The following OGA variants were observed in gnomAD, a reference collection of about 807,000 sequenced individuals.
The protein encoded by OGA is protein O-GlcNAcase.
In OGA, 21 loss-of-function variants were observed where a neutral mutation model predicts 102.0. The ratio of observed to expected loss-of-function variants is 0.21; its 90% confidence interval spans 0.15 to 0.30. The LOEUF (loss-of-function observed/expected upper bound fraction) is 0.30, where lower values mean the gene tolerates loss of function less well. OGA is among the 10% of genes least tolerant of loss of function. The probability of loss-of-function intolerance (pLI) is 1.00; values close to 1 mark genes in which losing one functional copy is unlikely to be tolerated. For missense variants in OGA, 765 were observed against 1,107.8 expected, an observed-to-expected ratio of 0.69 and a Z score of 4.39; for synonymous variants, 408 against 378.2, an observed-to-expected ratio of 1.08 and a Z score of -0.91.
chr10:101,803,475 A>C (rs2135065938), intron 7 of OGA, among the ~76,000 whole-genome samples: 1 of 151,870 alleles, frequency 6.6e-6, no homozygotes, highest in Non-Finnish European at 1.5e-5. Context: ...AAAAAAAAAA[A>C]ACTAAGGCAA....
chr10:101,807,942 T>A, intron 4 of OGA, 41 bp from the exon 5 acceptor site: 1 of 1,430,502 alleles, frequency 7.0e-7, no homozygotes. Context: ...GTAAAAAAAT[T>A]AAGAATTCCA....
intron 1 of OGA, among the ~76,000 whole-genome samples, chr10:101,815,282 CT>C (rs199871793): frequency 5.8e-4 from 85 of 147,358 alleles, no homozygotes; most frequent in Admixed American, 8.8e-4. Flanking sequence ...ACAAAATATT[CT>C]TTTTTTTTTT....
At chr10:101,787,761 T>G (rs146684144) in intron 14 of OGA, 181 of 200,812 alleles carry the variant, frequency 9.0e-4, no homozygotes, top group South Asian at 3.7e-3. Flanking sequence ...GTGCACGCGC[T>G]CTCTCTCTCT....
intron 6 of OGA, among the ~76,000 whole-genome samples, chr10:101,804,364 C>T (rs757628325): frequency 1.7e-4 from 26 of 149,430 alleles, no homozygotes; most frequent in Non-Finnish European, 2.8e-4. Context: ...GCTCCGCCTC[C>T]TGGATTCACA....
At chr10:101,811,319 G>A (rs1017339601) in intron 3 of OGA, among the ~76,000 whole-genome samples, 5 of 148,296 alleles carry the variant, frequency 3.4e-5, no homozygotes, top group African/African-American at 1.2e-4. Flanking sequence ...AACCCTGGAG[G>A]CAGAGGTTGC....
chr10:101,793,849 C>A, intron 11 of OGA, 64 bp downstream of exon 11: 1 of 1,231,564 alleles, frequency 8.1e-7, no homozygotes, highest in Non-Finnish European at 1.2e-6. Context: ...CCATCTGATG[C>A]GCAACATAAG....
chr10:101,800,600 C>T (rs557986391), intron 7 of OGA, among the ~76,000 whole-genome samples, 200 bp from the exon 8 acceptor site: 3 of 152,082 alleles, frequency 2.0e-5, no homozygotes, highest in South Asian at 4.2e-4. Flanking sequence ...GTAACCTAAA[C>T]GTAATGTTAA....
rs770894647 is a variant in OGA at position 101,808,925 on chromosome 10, G to A, written c.481-1024C>T. On this transcript the variant is annotated intron_variant, in intron 4 of 15. Coordinates refer to ENST00000361464, the MANE Select transcript of OGA (RefSeq NM_012215.5). The stretch of plus-strand genomic sequence containing the variant: ...GTAGAGGTTGCAATGAGCTGAGATC[G>A]CGCCACTGCACTCCAGCCTGGGCGA... Among the ~76,000 whole-genome samples the A allele has an allele frequency of 1.8e-4, 27 of 151,842 alleles. No individual in the cohort carries two copies. In the South Asian group the frequency reaches 1.9e-3, roughly 11 times the overall value.
In OGA at chr10:101,818,245, C is replaced by CT; in HGVS notation, c.-224dup. ...AGCCCTTTGTCAGCCGCAGCCTCGGCTTTAAGCTGGGGCGCCAGAAGCCTA... is the reference window on the plus strand; with the variant it reads ...AGCCCTTTGTCAGCCGCAGCCTCGGCTTTTAAGCTGGGGCGCCAGAAGCCTA... On this transcript the variant is annotated 5_prime_UTR_variant, in exon 1 of 16. Transcript: ENST00000361464. 1 of 1,327,866 alleles carries CT rather than the reference C, an allele frequency of 7.5e-7. No individual in the cohort carries two copies. The highest frequency in any genetic ancestry group is 9.6e-7 in the Non-Finnish European group (1 of 1,041,842). 82.3% of individuals were successfully genotyped at this position (1,327,866 alleles called of 1,614,324 possible).
At position 101,798,934 on chromosome 10, in the gene OGA, G is replaced by T; in HGVS notation, c.1717C>A (p.Pro573Thr). The T allele has an allele frequency of 6.2e-7, 1 of 1,614,056 alleles. No homozygotes were observed. Among genetic ancestry groups the T allele is most frequent in the Non-Finnish European group, 8.5e-7 (1 of 1,180,006 alleles). ...TCCCGTAACATCTGTGCTCCTTTGG[G>T]TCCATGCTCGTAAGGAAGGTAGAAT... ...DLFYLPYEHG[P>T]KGAQMLREFQ... The change falls in exon 9 of 16, where the codon CCC (proline) becomes ACC (threonine). Residue 573 changes from proline (P) to threonine (T), a missense_variant. Coordinates refer to ENST00000361464, the MANE Select transcript of OGA (RefSeq NM_012215.5).
intron 10 of OGA, among the ~76,000 whole-genome samples, chr10:101,795,370 C>G (rs1380413069): frequency 1.3e-5 from 2 of 152,248 alleles, no homozygotes; most frequent in Non-Finnish European, 2.9e-5. Flanking sequence ...TCTACCTGAG[C>G]TACCTCACAG....
chr10:101,799,011 A>C lies in OGA; in HGVS notation c.1640T>G (p.Leu547Trp). ...QFVPGPNEKP[L>W]YTAEPVTLED... Reference sequence around the variant, plus strand: ...CAGGGTCACTGGTTCCGCAGTGTACAAAGGCTTTTCATTTGGACCTGGCAC... The same window carrying C: ...CAGGGTCACTGGTTCCGCAGTGTACCAAGGCTTTTCATTTGGACCTGGCAC... Residue 547 changes from leucine (L) to tryptophan (W), a missense_variant, in exon 9 of 16, where the codon TTG (leucine) becomes TGG (tryptophan). Physicochemically the swap from Leu to Trp is moderately conservative, Grantham distance 61 (BLOSUM62 -2). Transcript: ENST00000361464. 6.2e-7 allele frequency: 1 copy of C among 1,614,202 alleles called. No homozygotes were observed. The highest frequency in any genetic ancestry group is 1.1e-5 in the South Asian group (1 of 91,086).
intron 1 of OGA, among the ~76,000 whole-genome samples, chr10:101,814,340 C>CA: frequency 6.9e-6 from 1 of 145,872 alleles, no homozygotes. Flanking sequence ...ACAACAACAA[C>CA]AAAAGGGTGA....
chr10:101,791,487 G>A (rs1270982519), intron 12 of OGA, 48 bp from the exon 13 acceptor site: 32 of 1,475,382 alleles, frequency 2.2e-5, no homozygotes, highest in Non-Finnish European at 2.9e-5. Context: ...AATGGCAGCA[G>A]AATCTAACAA....
At chr10:101,788,312 G>A (rs908548845) in intron 14 of OGA, among the ~76,000 whole-genome samples, 2 of 146,642 alleles carry the variant, frequency 1.4e-5, no homozygotes, top group Non-Finnish European at 3.0e-5. Flanking sequence ...GGCGGCGTGC[G>A]CCTGTAGTCC....
chr10:101,793,201 CAAAA>C (rs1180909047), intron 11 of OGA, among the ~76,000 whole-genome samples: 1 of 151,988 alleles, frequency 6.6e-6, no homozygotes, highest in East Asian at 1.9e-4. Context: ...AAAACAAAAA[CAAAA>C]ACAAAAACAA....
At chr10:101,806,259 G>C in intron 5 of OGA, 116 bp from the exon 6 acceptor site, 1 of 616,704 alleles carries the variant, frequency 1.6e-6, no homozygotes. Flanking sequence ...CTAGAGTGCA[G>C]TGGCACGATC....
chr10:101,794,809 A>G (rs2065296961), intron 10 of OGA, among the ~76,000 whole-genome samples: 1 of 152,240 alleles, frequency 6.6e-6, no homozygotes, highest in Non-Finnish European at 1.5e-5. Flanking sequence ...TAACAGTAAG[A>G]CATAAAGGCA....
chr10:101,799,094 A>G lies in OGA; in HGVS notation c.1557T>C (p.Asp519=), dbSNP rs1424697405. The change falls in exon 9 of 16, where the codon GAT becomes GAC. Residue 519 remains aspartate, a synonymous_variant. Coordinates refer to ENST00000361464, the MANE Select transcript of OGA (RefSeq NM_012215.5). ...SKSPEMSMQE[D]CISDIAPMQT... ...GCATGGGGGCAATGTCACTAATACA[A>G]TCTTCTTGCATGGACATCTCTGGGG... 4 of 1,614,156 alleles carry G rather than the reference A, an allele frequency of 2.5e-6. No homozygotes were observed. The highest frequency in any genetic ancestry group is 2.5e-6 in the Non-Finnish European group (3 of 1,180,034).
Sources: allele counts gnomAD v4.1 joint callset (sites outside exome capture counted in the v4.1 genomes callset), GRCh38; gene constraint gnomAD v4.1.1; transcripts MANE v1.5; gene names NCBI Gene and HGNC (gene_info 2026-07-23, HGNC 2026-07-21).